Variants in EDAR observed in about 807,000 individuals in gnomAD.
EDAR encodes the protein tumor necrosis factor receptor superfamily member EDAR.
A neutral mutation model predicts 51.3 loss-of-function variants in EDAR; 38 were observed. The ratio of observed to expected loss-of-function variants is 0.74; its 90% confidence interval spans 0.57 to 0.97. The LOEUF (loss-of-function observed/expected upper bound fraction) is 0.97. Among genes scored for constraint, EDAR ranks in the 50% least tolerant of loss-of-function variants. EDAR has a pLI of 0.00. For missense variants in EDAR, 528 were observed against 595.0 expected (o/e 0.89, Z 1.17); for synonymous variants, 227 against 242.1 (o/e 0.94, Z 0.58).
At chr2:108,898,788 A>G (rs1343262705) in intron 11 of EDAR, among the ~76,000 whole-genome samples, 1 of 152,264 alleles carries the variant, frequency 6.6e-6, no homozygotes, top group Non-Finnish European at 1.5e-5. Flanking sequence ...TACAATAACC[A>G]CAATAAAAAG....
In EDAR at chr2:108,917,920, C is replaced by T. The variant is rs544710417; in HGVS notation, c.443-5156G>A. Among the ~76,000 whole-genome samples the T allele has an allele frequency of 1.1e-4, 17 of 151,942 alleles. No individual in the cohort carries two copies. In the South Asian group the frequency reaches 2.9e-3, roughly 26 times the overall value. On this transcript the variant is annotated intron_variant, in intron 5 of 11. Transcript: ENST00000258443. Reference sequence around the variant, plus strand: ...CTGGGTGGGTCTGCTGTTTTCCAGGCGAGTCAGAAAAATTGCCATGGAAAA... The same window carrying T: ...CTGGGTGGGTCTGCTGTTTTCCAGGTGAGTCAGAAAAATTGCCATGGAAAA...
chr2:108,949,383 CTTT>C (rs1697779259), intron 1 of EDAR, among the ~76,000 whole-genome samples: 2 of 152,148 alleles, frequency 1.3e-5, no homozygotes, highest in Non-Finnish European at 2.9e-5. Flanking sequence ...GATAATTTTG[CTTT>C]TCAGTCAGTG....
intron 4 of EDAR, among the ~76,000 whole-genome samples, chr2:108,927,582 G>C (rs1697280772): frequency 6.6e-6 from 1 of 152,152 alleles, no homozygotes; most frequent in Non-Finnish European, 1.5e-5. Context: ...AGCAGCATAG[G>C]TCGGCGAGGT....
chr2:108,975,278 C>T (rs999423497), intron 1 of EDAR, among the ~76,000 whole-genome samples: 3 of 152,156 alleles, frequency 2.0e-5, no homozygotes, highest in African/African-American at 7.2e-5. Flanking sequence ...AGAGTAAATC[C>T]CCTGCCGGCC....
At chr2:108,973,012 G>A (rs536663241) in intron 1 of EDAR, among the ~76,000 whole-genome samples, 2 of 151,904 alleles carry the variant, frequency 1.3e-5, no homozygotes, top group South Asian at 4.2e-4. Flanking sequence ...TTGAGATGGA[G>A]TTTCACTCTT....
In EDAR at chr2:108,959,457, G is replaced by A. The variant is rs959763281; in HGVS notation, c.-18-28425C>T. Among the ~76,000 whole-genome samples, 21 of 152,168 alleles carry A rather than the reference G, an allele frequency of 1.4e-4. 2 individuals are homozygous for A. The highest frequency in any genetic ancestry group is 1.2e-3 in the Admixed American group (19 of 15,278). ...ATCCAACCCAGTTCAGGTCCTCCTGGGTCTTTCATGAGCAGAATATTGCAT... is the reference window on the plus strand; with the variant it reads ...ATCCAACCCAGTTCAGGTCCTCCTGAGTCTTTCATGAGCAGAATATTGCAT... On this transcript the variant is annotated intron_variant, in intron 1 of 11. Coordinates refer to ENST00000258443, the MANE Select transcript of EDAR (RefSeq NM_022336.4).
chr2:108,948,707 G>A (rs1474114625), intron 1 of EDAR, among the ~76,000 whole-genome samples: 1 of 152,064 alleles, frequency 6.6e-6, no homozygotes, highest in Non-Finnish European at 1.5e-5. Context: ...AGAACAACAT[G>A]GGGAAAACTG....
intron 6 of EDAR, among the ~76,000 whole-genome samples, chr2:108,912,379 T>G (rs1696943686): frequency 6.6e-6 from 1 of 152,200 alleles, no homozygotes; most frequent in African/African-American, 2.4e-5. Flanking sequence ...CCAGGACGCC[T>G]GGTCTCTCCT....
rs564095321 is a variant in EDAR, at chr2:108,983,576, C to G, written c.-19+5384G>C. On this transcript the variant is annotated intron_variant, in intron 1 of 11. Transcript: ENST00000258443. ...ACAATCCCGCCCTTCCAGCTCCTCC[C>G]TCGTGATCCATCTGTCTGCCTTGAC... Among the ~76,000 whole-genome samples, 4 of 152,334 alleles carry G rather than the reference C, an allele frequency of 2.6e-5. No homozygotes were observed. The East Asian group carries it at 7.7e-4, about 29-fold the overall frequency.
intron 5 of EDAR, among the ~76,000 whole-genome samples, chr2:108,915,637 T>G (rs1697012774): frequency 1.3e-5 from 2 of 152,088 alleles, no homozygotes; most frequent in South Asian, 4.1e-4. Context: ...CGGTGGCTCA[T>G]GCCTATAATC....
intron 1 of EDAR, among the ~76,000 whole-genome samples, chr2:108,970,685 C>G (rs1007862586): frequency 6.6e-6 from 1 of 152,096 alleles, no homozygotes; most frequent in Non-Finnish European, 1.5e-5. Context: ...TTGGAGAAGA[C>G]AGAAAAACCA....
At chr2:108,979,473 A>T (rs429520) in intron 1 of EDAR, among the ~76,000 whole-genome samples, 42,373 of 138,870 alleles carry the variant, frequency 0.31, 6,670 homozygotes, top group African/African-American at 0.46. Flanking sequence ...TCTCTCACAC[A>T]CACACACACA....
Position 108,897,101 on chromosome 2 carries a change from T to C in EDAR, c.1153A>G (p.Arg385Gly). ...RHLAESFGLK[R>G]DEIGGMTDGM... ...TCTGTCATGCCCCCAATCTCATCCC[T>C]CTTCAGGCCGAAGCTCTCGGCGAGG... Residue 385 changes from arginine to glycine, a missense_variant, in exon 12 of 12, where the codon AGG becomes GGG. Transcript: ENST00000258443. 1.9e-6 allele frequency: 3 copies of C among 1,614,054 alleles called. No homozygotes were observed. The highest frequency in any genetic ancestry group is 2.5e-6 in the Non-Finnish European group (3 of 1,180,022).
intron 1 of EDAR, among the ~76,000 whole-genome samples, chr2:108,955,919 C>T (rs1352917513): frequency 6.6e-6 from 1 of 151,338 alleles, no homozygotes; most frequent in Non-Finnish European, 1.5e-5. Flanking sequence ...GTCCCAGCTA[C>T]TCGGGAGGCT....
chr2:108,981,973 G>C (rs375406287), intron 1 of EDAR, among the ~76,000 whole-genome samples: 2 of 152,234 alleles, frequency 1.3e-5, no homozygotes, highest in South Asian at 4.1e-4. Context: ...CACTGTGCTA[G>C]GTGCCAGAGA....
chr2:108,965,103 A>ATGTGTGTG (rs532175005), intron 1 of EDAR, among the ~76,000 whole-genome samples: 142 of 152,158 alleles, frequency 9.3e-4, no homozygotes, highest in African/African-American at 3.2e-3. Context: ...GCACGCAAGC[A>ATGTGTGTG]TGTGTGTGTC....
intron 5 of EDAR, among the ~76,000 whole-genome samples, chr2:108,917,037 G>T (rs888427987): frequency 1.3e-5 from 2 of 152,246 alleles, no homozygotes; most frequent in African/African-American, 2.4e-5. Flanking sequence ...CGGCAATAAG[G>T]AATGGAGCTG....
At chr2:108,906,120 C>T (rs989484583) in intron 11 of EDAR, among the ~76,000 whole-genome samples, 188 bp downstream of exon 11, 9 of 152,206 alleles carry the variant, frequency 5.9e-5, no homozygotes, top group African/African-American at 1.4e-4. Context: ...AGATGCCTTC[C>T]GATATCTGGG....
At chr2:108,913,047 G>C (rs576063800) in intron 5 of EDAR, among the ~76,000 whole-genome samples, 3 of 150,154 alleles carry the variant, frequency 2.0e-5, no homozygotes, top group Non-Finnish European at 4.4e-5. Flanking sequence ...CTCCCTGGTT[G>C]ACGCCATTCT....
Sources: gnomAD v4.1 joint callset for allele counts (sites outside exome capture counted in the v4.1 genomes callset) on GRCh38, gnomAD v4.1.1 for gene constraint, MANE v1.5 for transcripts, NCBI Gene and HGNC (gene_info 2026-07-23, HGNC 2026-07-21) for gene names.